ZNF726: variants seen among roughly 807,000 people sequenced by gnomAD.
ZNF726 encodes zinc finger protein 92 pseudogene 3.
Under a neutral mutation model 11.6 loss-of-function variants are expected in ZNF726, and 15 were observed. That is an observed-to-expected ratio of 1.29 (90% CI 0.86 to 1.99). The LOEUF (loss-of-function observed/expected upper bound fraction) is 1.99. Among genes scored for constraint, ZNF726 ranks in the 30% most tolerant of loss-of-function variants. The probability of loss-of-function intolerance (pLI) is 0.00; values close to 1 mark genes in which losing one functional copy is unlikely to be tolerated. For missense variants in ZNF726, 890 were observed against 725.6 expected, an observed-to-expected ratio of 1.23 and a Z score of -2.60; for synonymous variants, 295 against 243.6, an observed-to-expected ratio of 1.21 and a Z score of -1.96.
chr19:23,926,531 C>G (rs1272665389), intron 3 of ZNF726, among the ~76,000 whole-genome samples: 1 of 144,876 alleles, frequency 6.9e-6, no homozygotes, highest in Admixed American at 7.1e-5. Context: ...TCCACCTGGG[C>G]TGCACTCCAG....
chr19:23,921,953 A>T (rs533801957), intron 3 of ZNF726, among the ~76,000 whole-genome samples: 1 of 152,302 alleles, frequency 6.6e-6, no homozygotes, highest in South Asian at 2.1e-4. Context: ...TGGTGTCTGT[A>T]AATTTGAAGG....
Position 23,932,578 on chromosome 19 carries a change from T to C in ZNF726, c.462T>C (p.Phe154=), listed in dbSNP as rs1968132229. 1 of 1,544,266 alleles carries C rather than the reference T, an allele frequency of 6.5e-7. No homozygotes were observed. The highest frequency in any genetic ancestry group is 1.2e-5 in the South Asian group (1 of 81,964). ...AATGTGGTAAATATTTGAAAGTCTT[T>C]TATAAATTTATAAATTTAAACAGAT... ...ASQCGKYLKV[F]YKFINLNRYK... is the part of the protein sequence containing the mutation. Residue 154 remains phenylalanine, a synonymous_variant, in exon 4 of 4, where the codon TTT becomes TTC. Coordinates refer to ENST00000594466, the MANE Select transcript of ZNF726 (RefSeq NM_001244038.2).
chr19:23,933,139 C>T lies in ZNF726; in HGVS notation c.1023C>T (p.Tyr341=). 3 of 1,600,710 alleles carry T rather than the reference C, an allele frequency of 1.9e-6. No individual in the cohort carries two copies. The highest frequency in any genetic ancestry group is 2.6e-6 in the Non-Finnish European group (3 of 1,173,438). ...HKRLHSGEKP[Y]KCEECAKAFS... is the part of the protein sequence containing the mutation. The stretch of plus-strand genomic sequence containing the variant: ...GGCTGCACAGTGGAGAGAAACCCTA[C>T]AAATGTGAAGAATGTGCCAAAGCTT... Residue 341 remains tyrosine (Y), a synonymous_variant, in exon 4 of 4, where the codon TAC becomes TAT. Transcript: ENST00000594466.
At chr19:23,930,047 G>A (rs184158977) in intron 3 of ZNF726, among the ~76,000 whole-genome samples, 30 of 152,234 alleles carry the variant, frequency 2.0e-4, no homozygotes, top group African/African-American at 7.2e-4. Flanking sequence ...GATAGCCTTG[G>A]CCTCCTAAAA....
rs1417520953 is a variant in ZNF726 at position 23,914,886 on chromosome 19, G to T, written c.-109G>T. ...GCTTCCGGGATTTGGCGGGGCCTTT[G>T]TCTCTATCTGCGGCCGGAGCTCCAG... On this transcript the variant is annotated 5_prime_UTR_variant, in exon 1 of 4. Transcript: ENST00000594466. The T allele has an allele frequency of 1.1e-5, 17 of 1,517,710 alleles. No homozygotes were observed. Among genetic ancestry groups the T allele is most frequent in the Non-Finnish European group, 1.4e-5 (16 of 1,113,454 alleles). 94.0% of individuals were successfully genotyped at this position (1,517,710 alleles called of 1,614,324 possible). A position where few individuals can be genotyped will look rare whatever the true frequency, so the allele number is the denominator to read the frequency against.
chr19:23,932,608 G>C lies in ZNF726; in HGVS notation c.492G>C (p.Lys164Asn). 6.5e-7 allele frequency: 1 copy of C among 1,542,192 alleles called. No individual in the cohort carries two copies. The highest frequency in any genetic ancestry group is 8.7e-7 in the Non-Finnish European group (1 of 1,145,656). ...FYKFINLNRY[K>N]IRHTRKKPFK... ...AATTTATAAATTTAAACAGATATAA[G>C]ATAAGACATACTAGAAAGAAACCTT... Residue 164 changes from lysine (K) to asparagine (N), a missense_variant, in exon 4 of 4, where the codon AAG becomes AAC. By Grantham distance (94) the Lys-to-Asn change is moderately conservative. Transcript: ENST00000594466.
chr19:23,916,347 A>G (rs1368347516), intron 1 of ZNF726, among the ~76,000 whole-genome samples: 1 of 151,344 alleles, frequency 6.6e-6, no homozygotes, highest in Non-Finnish European at 1.5e-5. Flanking sequence ...AAAGTATTTG[A>G]GACAGAGCCT....
At chr19:23,924,990 T>C (rs561292967) in intron 3 of ZNF726, among the ~76,000 whole-genome samples, 22 of 152,178 alleles carry the variant, frequency 1.4e-4, no homozygotes, top group Non-Finnish European at 2.2e-4. Context: ...TAAAACTCAA[T>C]ATCCATTAAA....
chr19:23,937,453 T>C (rs1185746658), downstream of ZNF726, among the ~76,000 whole-genome samples: 1 of 150,136 alleles, frequency 6.7e-6, no homozygotes, highest in Non-Finnish European at 1.5e-5. Context: ...GCAGAGGGGC[T>C]CCTCACTTCT....
At position 23,933,753 on chromosome 19, in the gene ZNF726, T is replaced by A; in HGVS notation, c.1637T>A (p.Phe546Tyr). The part of the protein sequence containing the change: ...PYKCEECGKT[F>Y]NQSSNLSTHK... ...AAATGTGAAGAATGTGGCAAAACTT[T>A]TAATCAATCCTCAAATCTTAGTACA... The change falls in exon 4 of 4, where the codon TTT (phenylalanine) becomes TAT (tyrosine). Residue 546 changes from phenylalanine to tyrosine, a missense_variant. By Grantham distance (22) the Phe-to-Tyr change is conservative. Coordinates refer to ENST00000594466, the MANE Select transcript of ZNF726 (RefSeq NM_001244038.2). 1 of 1,611,380 alleles carries A rather than the reference T, an allele frequency of 6.2e-7. No homozygotes were observed.
In ZNF726 at chr19:23,933,997, G is replaced by A. The variant is rs748435515; in HGVS notation, c.*30G>A. On this transcript the variant is annotated 3_prime_UTR_variant, in exon 4 of 4. Coordinates refer to ENST00000594466, the MANE Select transcript of ZNF726 (RefSeq NM_001244038.2). Reference sequence around the variant, plus strand: ...AACCTTAAAAAGGGTAAAGAATGTGGCAAAGCATTTATATGGTCCTCAACG... The same window carrying A: ...AACCTTAAAAAGGGTAAAGAATGTGACAAAGCATTTATATGGTCCTCAACG... 1.5e-5 allele frequency: 24 copies of A among 1,551,332 alleles called. No homozygotes were observed. The highest frequency in any genetic ancestry group is 1.7e-4 in the Middle Eastern group (1 of 5,790).
At position 23,919,512 on chromosome 19, in the gene ZNF726, T is replaced by G; in HGVS notation, c.130+13T>G. Reference sequence around the variant, plus strand: ...CTGGCCTTCCTGGGTGAGGATAACTTTAATACAAAATTTTTAATATAAACT... The same window carrying G: ...CTGGCCTTCCTGGGTGAGGATAACTGTAATACAAAATTTTTAATATAAACT... On this transcript the variant is annotated intron_variant, in intron 2 of 3. Coordinates refer to ENST00000594466, the MANE Select transcript of ZNF726 (RefSeq NM_001244038.2). The G allele has an allele frequency of 6.4e-7, 1 of 1,569,370 alleles. No individual in the cohort carries two copies. The highest frequency in any genetic ancestry group is 2.3e-5 in the East Asian group (1 of 43,892).
chr19:23,916,801 A>ATT (rs59458760), intron 1 of ZNF726, among the ~76,000 whole-genome samples: 1 of 145,364 alleles, frequency 6.9e-6, no homozygotes, highest in African/African-American at 2.5e-5. Flanking sequence ...TTGGGTCAAG[A>ATT]TTTTTTTTTT....
At chr19:23,926,196 T>C (rs1255564435) in intron 3 of ZNF726, among the ~76,000 whole-genome samples, 1 of 152,178 alleles carries the variant, frequency 6.6e-6, no homozygotes, top group African/African-American at 2.4e-5. Flanking sequence ...ATGCATTTAA[T>C]TTTATATCTA....
intron 3 of ZNF726, among the ~76,000 whole-genome samples, chr19:23,942,108 A>C (rs1968347710): frequency 6.6e-6 from 1 of 152,094 alleles, no homozygotes; most frequent in African/African-American, 2.4e-5. Flanking sequence ...TAGGGATATG[A>C]ACTTTCCTCT....
At chr19:23,935,487 A>G (rs1293129549), downstream of ZNF726, 1 of 471,844 alleles carries the variant, frequency 2.1e-6, no homozygotes, top group Non-Finnish European at 4.2e-6. Flanking sequence ...TGGAAAGCCT[A>G]AAAAAGTCCT....
rs1470134997 is a variant in ZNF726 at position 23,932,614 on chromosome 19, A to G, written c.498A>G (p.Arg166=). The G allele has an allele frequency of 2.6e-6, 4 of 1,542,104 alleles. No homozygotes were observed. Among genetic ancestry groups the G allele is most frequent in the African/African-American group, 2.8e-5 (2 of 71,394 alleles). Reference sequence around the variant, plus strand: ...TAAATTTAAACAGATATAAGATAAGACATACTAGAAAGAAACCTTTCAAAT... The same window carrying G: ...TAAATTTAAACAGATATAAGATAAGGCATACTAGAAAGAAACCTTTCAAAT... ...KFINLNRYKI[R]HTRKKPFKCK... is the part of the protein sequence containing the mutation. The change falls in exon 4 of 4, where the codon AGA becomes AGG. Residue 166 remains arginine, a synonymous_variant. Coordinates refer to ENST00000594466, the MANE Select transcript of ZNF726 (RefSeq NM_001244038.2).
chr19:23,919,629 A>G, intron 2 of ZNF726, 130 bp downstream of exon 2: 1 of 1,240,240 alleles, frequency 8.1e-7, no homozygotes, highest in Non-Finnish European at 1.1e-6. Flanking sequence ...TTGTCTGTTT[A>G]GAAAAAATTT....
rs1324738294 is a variant in ZNF726, at chr19:23,934,271, CATAAG to C, written c.*306_*310del. 1 of 652,960 alleles carries C rather than the reference CATAAG, an allele frequency of 1.5e-6. No individual in the cohort carries two copies. The highest frequency in any genetic ancestry group is 2.9e-6 in the Non-Finnish European group (1 of 340,994). 40.4% of individuals were successfully genotyped at this position (652,960 alleles called of 1,614,324 possible). ...CATATGGTCCACACCCCTAAGTAGA[CATAAG>C]AGGATGCACACTGGAGAGAAACCTT... On this transcript the variant is annotated 3_prime_UTR_variant, in exon 4 of 4. Coordinates refer to ENST00000594466, the MANE Select transcript of ZNF726 (RefSeq NM_001244038.2).
Sources: gnomAD v4.1 joint callset for allele counts (sites outside exome capture counted in the v4.1 genomes callset) on GRCh38, gnomAD v4.1.1 for gene constraint, MANE v1.5 for transcripts, NCBI Gene and HGNC (gene_info 2026-07-23, HGNC 2026-07-21) for gene names.